Variants in RIC3 observed in about 807,000 individuals in gnomAD.
The protein encoded by RIC3 is protein RIC-3.
RIC3 carries 28 observed loss-of-function variants against 27.3 expected under a neutral mutation model. The observed-to-expected ratio is 1.02, with a 90% confidence interval of 0.76 to 1.41. The LOEUF (loss-of-function observed/expected upper bound fraction) is 1.41, where lower values mean the gene tolerates loss of function less well. Ranked by LOEUF, RIC3 falls within the 40% of genes most tolerant of loss-of-function variation. RIC3 has a pLI of 0.00. For synonymous variants in RIC3, 184 were observed against 160.4 expected (o/e 1.15, Z -1.11); for missense variants, 501 against 444.7 (o/e 1.13, Z -1.14).
chr11:8,097,680 G>A, the RIC3 span: 6 of 1,574,108 alleles, frequency 3.8e-6, no homozygotes, highest in Non-Finnish European at 5.2e-6. Flanking sequence ...ACCAGAGGCT[G>A]AGTCTGGAAT....
At chr11:8,119,300 C>T (rs1946199951) in intron 5 of RIC3, among the ~76,000 whole-genome samples, 1 of 152,156 alleles carries the variant, frequency 6.6e-6, no homozygotes. Flanking sequence ...AACTATACTA[C>T]AAGGCTACAG....
chr11:8,142,035 A>G (rs575297656), intron 1 of RIC3, among the ~76,000 whole-genome samples: 2 of 150,964 alleles, frequency 1.3e-5, no homozygotes, highest in East Asian at 3.9e-4. Context: ...CAGTGTGTAG[A>G]GGGAAATTTA....
At chr11:8,133,904 T>C (rs1948041027) in intron 4 of RIC3, among the ~76,000 whole-genome samples, 1 of 152,144 alleles carries the variant, frequency 6.6e-6, no homozygotes, top group South Asian at 2.1e-4. Context: ...ATCTTCATGT[T>C]GTCTCTTACC....
chr11:8,100,948 C>T, the RIC3 span: 17 of 1,614,036 alleles, frequency 1.1e-5, no homozygotes, highest in African/African-American at 2.7e-5. Context: ...TCCATGGGCG[C>T]GTCACACAGG....
intron 1 of RIC3, 128 bp downstream of exon 1, chr11:8,168,738 G>A (rs1323836958): frequency 9.7e-6 from 13 of 1,345,238 alleles, no homozygotes; most frequent in South Asian, 1.5e-5. Flanking sequence ...CGTCTCGCCC[G>A]CCCTCTCCAG....
chr11:8,110,515 G>C lies in RIC3; in HGVS notation c.*183C>G. The C allele has an allele frequency of 4.4e-6, 3 of 686,808 alleles. No homozygotes were observed. The highest frequency in any genetic ancestry group is 7.9e-6 in the Non-Finnish European group (3 of 379,168). 42.5% of individuals were successfully genotyped at this position (686,808 alleles called of 1,614,324 possible). A position where few individuals can be genotyped will look rare whatever the true frequency, so the allele number is the denominator to read the frequency against. Reference sequence around the variant, plus strand: ...CTGTCCTGTGTTCACACTAATGTCCGTGTTTTACAAGGTGACAGGTGTGTG... The same window carrying C: ...CTGTCCTGTGTTCACACTAATGTCCCTGTTTTACAAGGTGACAGGTGTGTG... On this transcript the variant is annotated 3_prime_UTR_variant, in exon 6 of 6. Transcript: ENST00000309737.
chr11:8,146,197 T>C (rs910787767), intron 1 of RIC3, among the ~76,000 whole-genome samples: 9 of 152,242 alleles, frequency 5.9e-5, no homozygotes, highest in Admixed American at 3.9e-4. Flanking sequence ...AATACTAATA[T>C]GGAATTCTAC....
At chr11:8,153,424 C>A in intron 1 of RIC3, 1 of 452,932 alleles carries the variant, frequency 2.2e-6, no homozygotes, top group Non-Finnish European at 4.4e-6. Flanking sequence ...TCTTAGTTTT[C>A]TGCAATACAA....
downstream of RIC3, chr11:8,103,359 T>C (rs1944388999): frequency 6.6e-6 from 1 of 152,226 alleles, no homozygotes; most frequent in African/African-American, 2.4e-5. Flanking sequence ...TACCTTGCTT[T>C]AGAGTAGATG....
chr11:8,166,479 C>G (rs1169535219), intron 1 of RIC3, among the ~76,000 whole-genome samples: 1 of 152,116 alleles, frequency 6.6e-6, no homozygotes, highest in Non-Finnish European at 1.5e-5. Flanking sequence ...AGGGTTATTC[C>G]TTTCTTCAAA....
chr11:8,101,476 T>C (rs150402974), downstream of RIC3: 5 of 1,614,174 alleles, frequency 3.1e-6, no homozygotes, highest in Middle Eastern at 3.3e-4. Context: ...GTGCCTGTGC[T>C]TGGCCCCAGC....
At chr11:8,119,190 C>A (rs1946189921) in intron 5 of RIC3, among the ~76,000 whole-genome samples, 1 of 152,190 alleles carries the variant, frequency 6.6e-6, no homozygotes, top group South Asian at 2.1e-4. Context: ...GGCAAAAATA[C>A]TATGAAAAAT....
chr11:8,148,240 A>G (rs1218934105), intron 1 of RIC3, among the ~76,000 whole-genome samples: 1 of 149,970 alleles, frequency 6.7e-6, no homozygotes, highest in Non-Finnish European at 1.5e-5. Flanking sequence ...GGTCAGCAAC[A>G]GAAGCACAGC....
intron 5 of RIC3, among the ~76,000 whole-genome samples, chr11:8,118,292 G>A (rs940366787): frequency 6.7e-6 from 1 of 149,902 alleles, no homozygotes; most frequent in African/African-American, 2.5e-5. Flanking sequence ...CTGCTCCTAT[G>A]AGGAAACCAG....
intron 1 of RIC3, among the ~76,000 whole-genome samples, chr11:8,145,054 T>C (rs1949525680): frequency 1.6e-5 from 2 of 125,880 alleles, no homozygotes; most frequent in South Asian, 3.4e-4. Flanking sequence ...GGGGGAGGGA[T>C]AGCATTGGGA....
At chr11:8,165,093 G>A (rs1313415755) in intron 1 of RIC3, among the ~76,000 whole-genome samples, 1 of 152,180 alleles carries the variant, frequency 6.6e-6, no homozygotes, top group Non-Finnish European at 1.5e-5. Context: ...AAATGGTCTG[G>A]CAGTTCCTCA....
intron 4 of RIC3, among the ~76,000 whole-genome samples, chr11:8,127,783 T>A (rs1248989474): frequency 6.6e-6 from 1 of 152,244 alleles, no homozygotes; most frequent in African/African-American, 2.4e-5. Flanking sequence ...ATGTACTATG[T>A]ACTAGCCTGT....
At chr11:8,130,886 G>A (rs542279021) in intron 4 of RIC3, among the ~76,000 whole-genome samples, 1 of 152,186 alleles carries the variant, frequency 6.6e-6, no homozygotes, top group East Asian at 1.9e-4. Flanking sequence ...AGAGAGTGAT[G>A]AAGAAAGATA....
At chr11:8,118,890 T>C (rs1490176874) in intron 5 of RIC3, among the ~76,000 whole-genome samples, 1 of 145,480 alleles carries the variant, frequency 6.9e-6, no homozygotes, top group Non-Finnish European at 1.5e-5. Flanking sequence ...AAAGAAAAAA[T>C]AGCAGATTGA....
Sources: allele counts gnomAD v4.1 joint callset (sites outside exome capture counted in the v4.1 genomes callset), GRCh38; gene constraint gnomAD v4.1.1; transcripts MANE v1.5; gene names NCBI Gene and HGNC (gene_info 2026-07-23, HGNC 2026-07-21).